The following ROBO3 variants were observed in gnomAD, a reference collection of about 807,000 sequenced individuals.
ROBO3 encodes roundabout homolog 3.
In ROBO3, 97 loss-of-function variants were observed where a neutral mutation model predicts 160.5. The ratio of observed to expected loss-of-function variants is 0.60; its 90% CI spans 0.51 to 0.72. The LOEUF (loss-of-function observed/expected upper bound fraction) is 0.72, where lower values mean the gene tolerates loss of function less well. Ranked by LOEUF, ROBO3 falls within the 30% of genes least tolerant of loss-of-function variation. The pLI, the probability that ROBO3 is intolerant of heterozygous loss-of-function variation, is 0.00. For missense variants in ROBO3, 1,858 were observed against 1,846.5 expected, an observed-to-expected ratio of 1.01 and a Z score of -0.11; for synonymous variants, 780 against 746.2, an observed-to-expected ratio of 1.05 and a Z score of -0.74.
chr11:124,877,642 C>T lies in ROBO3; in HGVS notation c.2970C>T (p.Asp990=). Residue 990 remains aspartate, a synonymous_variant, in exon 20 of 28, where the codon GAC becomes GAT. Coordinates refer to ENST00000397801, the MANE Select transcript of ROBO3 (RefSeq NM_022370.4). ...GCTGCCCTAGCAATCCTGACCCGGACGACAGATATTACAACGGTGAGGAGT... is the reference window on the plus strand; with the variant it reads ...GCTGCCCTAGCAATCCTGACCCGGATGACAGATATTACAACGGTGAGGAGT... The part of the protein sequence containing the change: ...GSCCPSNPDP[D]DRYYNEAGIS... 6.2e-7 allele frequency: 1 copy of T among 1,610,970 alleles called. No individual in the cohort carries two copies. Among genetic ancestry groups the T allele is most frequent in the Non-Finnish European group, 8.5e-7 (1 of 1,178,682 alleles).
intron 6 of ROBO3, 90 bp downstream of exon 6, chr11:124,870,818 A>G: frequency 6.4e-7 from 1 of 1,560,402 alleles, no homozygotes; most frequent in African/African-American, 1.4e-5. Context: ...GAAAGGGCAG[A>G]GAAGGGCATG....
chr11:124,880,739 GGGGA>G, intron 27 of ROBO3, 131 bp downstream of exon 27: 8 of 1,326,386 alleles, frequency 6.0e-6, no homozygotes, highest in Non-Finnish European at 8.0e-6. Flanking sequence ...AGAGGGTGAG[GGGGA>G]GGGAGGAATC....
At chr11:124,870,945 C>G in intron 6 of ROBO3, 69 bp from the exon 7 acceptor site, 1 of 1,574,606 alleles carries the variant, frequency 6.4e-7, no homozygotes, top group Non-Finnish European at 8.7e-7. Flanking sequence ...GCTTCTCTCT[C>G]CTGTTCCTGC....
rs1372680455 is a variant in ROBO3, at chr11:124,881,409, C to CT, written c.*164dup. The CT allele has an allele frequency of 1.5e-6, 1 of 673,000 alleles. No homozygotes were observed. The highest frequency in any genetic ancestry group is 2.6e-6 in the Non-Finnish European group (1 of 388,754). The allele number at this position is 673,000 out of a possible 1,614,324, so 41.7% of individuals were successfully genotyped here. A position where few individuals can be genotyped will look rare whatever the true frequency, so the allele number is the denominator to read the frequency against. On this transcript the variant is annotated 3_prime_UTR_variant, in exon 28 of 28. Coordinates refer to ENST00000397801, the MANE Select transcript of ROBO3 (RefSeq NM_022370.4). The stretch of plus-strand genomic sequence containing the variant: ...AGAGAGCTAGCTCCTCCCTTTCTTT[C>CT]TTTTTCCACCTGAGACTTGTTTATA...
Position 124,878,431 on chromosome 11 carries a change from G to A in ROBO3, c.3315G>A (p.Glu1105=), listed in dbSNP as rs1394717213. The A allele has an allele frequency of 1.9e-6, 3 of 1,612,804 alleles. No homozygotes were observed. The highest frequency in any genetic ancestry group is 2.7e-5 in the African/African-American group (2 of 74,896). The change falls in exon 22 of 28, where the codon GAG becomes GAA. Residue 1105 remains glutamate, a synonymous_variant. Transcript: ENST00000397801. The surrounding 1 kb of genome is among the most constrained non-coding windows in gnomAD (Gnocchi z 4.3). ...SCLEGPEEEL[E]GSSEPEEWCP... is the part of the protein sequence containing the mutation. The stretch of plus-strand genomic sequence containing the variant: ...TAGAAGGGCCGGAGGAGGAGCTGGA[G>A]GGCAGGTAGAGATGCTCCCTGCTTC...
Position 124,881,403 on chromosome 11 carries a change from T to G in ROBO3, c.*153T>G, listed in dbSNP as rs1197776145. The G allele has an allele frequency of 5.8e-6, 4 of 694,580 alleles. No homozygotes were observed. Among genetic ancestry groups the G allele is most frequent in the Non-Finnish European group, 9.8e-6 (4 of 406,224 alleles). 43.0% of individuals were successfully genotyped at this position (694,580 alleles called of 1,614,324 possible). ...GAAGGCAGAGAGCTAGCTCCTCCCT[T>G]TCTTTCTTTTTCCACCTGAGACTTG... On this transcript the variant is annotated 3_prime_UTR_variant, in exon 28 of 28. Coordinates refer to ENST00000397801, the MANE Select transcript of ROBO3 (RefSeq NM_022370.4).
rs1377909517 is a variant in ROBO3, at chr11:124,868,674, G to C, written c.161-128G>C. On this transcript the variant is annotated intron_variant, in intron 1 of 27. Coordinates refer to ENST00000397801, the MANE Select transcript of ROBO3 (RefSeq NM_022370.4). ...ATCCTGCAGAGGGAGAGGGTAGGCAGGTGGGGACTGAGCTCCGCAGAGAAG... is the reference window on the plus strand; with the variant it reads ...ATCCTGCAGAGGGAGAGGGTAGGCACGTGGGGACTGAGCTCCGCAGAGAAG... The C allele has an allele frequency of 8.5e-6, 8 of 938,264 alleles. No homozygotes were observed. In the African/African-American group the frequency reaches 1.3e-4, roughly 15 times the overall value. The allele number at this position is 938,264 out of a possible 1,614,324, so 58.1% of individuals were successfully genotyped here.
rs762624355 is a variant in ROBO3, at chr11:124,879,902, G to A, written c.3912G>A (p.Ala1304=). ...LERERSGERK[A]VQAVPLAAQR... ...GGGAGCGCAGTGGGGAGAGGAAAGC[G>A]GTCCAGGCCGTGCCCCTGGCAGCCC... The change falls in exon 26 of 28, where the codon GCG becomes GCA. Residue 1304 remains alanine (A), a synonymous_variant. Transcript: ENST00000397801. 10 of 1,607,494 alleles carry A rather than the reference G, an allele frequency of 6.2e-6. No homozygotes were observed. The Admixed American group carries it at 6.8e-5, about 11-fold the overall frequency.
chr11:124,865,501 A>G lies in ROBO3; in HGVS notation c.-77A>G. 2 of 1,479,192 alleles carry G rather than the reference A, an allele frequency of 1.4e-6. No individual in the cohort carries two copies. Among genetic ancestry groups the G allele is most frequent in the African/African-American group, 1.4e-5 (1 of 72,020 alleles). The allele number at this position is 1,479,192 out of a possible 1,614,324, so 91.6% of individuals were successfully genotyped here. A position where few individuals can be genotyped will look rare whatever the true frequency, so the allele number is the denominator to read the frequency against. The stretch of plus-strand genomic sequence containing the variant: ...GCGCGCAGAGGCTGTGGAGGGGCTT[A>G]CGGCTCCCAGCCCACGGGTCTCAGA... On this transcript the variant is annotated 5_prime_UTR_variant, in exon 1 of 28. Transcript: ENST00000397801. This position sits in a 1 kb window ranked among gnomAD's most constrained non-coding sequence, Gnocchi z 5.5.
Position 124,880,399 on chromosome 11 carries a change from C to T in ROBO3, c.3959-19C>T, listed in dbSNP as rs1161255324. 1.2e-6 allele frequency: 2 copies of T among 1,612,416 alleles called. No homozygotes were observed. Among genetic ancestry groups the T allele is most frequent in the Admixed American group, 1.7e-5 (1 of 59,862 alleles). On this transcript the variant is annotated intron_variant, in intron 26 of 27. Transcript: ENST00000397801. The stretch of plus-strand genomic sequence containing the variant: ...TGCTTCCTGCCTGCACCTGGCTACC[C>T]TTCCCTCTTGTGCTGCAGAAGAGGC...
At position 124,876,616 on chromosome 11, in the gene ROBO3, C is replaced by G; in HGVS notation, c.2779+156C>G. 1.7e-6 allele frequency: 1 copy of G among 586,002 alleles called. No individual in the cohort carries two copies. The highest frequency in any genetic ancestry group is 4.8e-4 in the Middle Eastern group (1 of 2,102). The allele number at this position is 586,002 out of a possible 1,614,324, so 36.3% of individuals were successfully genotyped here. A position where few individuals can be genotyped will look rare whatever the true frequency, so the allele number is the denominator to read the frequency against. Reference sequence around the variant, plus strand: ...TTGGGTAGGGGCGGGATACGTGGGGCGACTCGAGGAGCTGCCAGGACTAGG... The same window carrying G: ...TTGGGTAGGGGCGGGATACGTGGGGGGACTCGAGGAGCTGCCAGGACTAGG... On this transcript the variant is annotated intron_variant, in intron 17 of 27. Transcript: ENST00000397801. The surrounding 1 kb of genome is among the most constrained non-coding windows in gnomAD (Gnocchi z 5.3).
chr11:124,879,574 G>A lies in ROBO3; in HGVS notation c.3795G>A (p.Gly1265=). The change falls in exon 25 of 28, where the codon GGG becomes GGA. Residue 1265 remains glycine, a splice_region_variant and synonymous_variant. Coordinates refer to ENST00000397801, the MANE Select transcript of ROBO3 (RefSeq NM_022370.4). ...ALPYRRENSP[G]DLPPPPLPPP... is the part of the protein sequence containing the mutation. Reference sequence around the variant, plus strand: ...CCTACAGGAGGGAGAACAGTCCTGGGGGTGAGGGGGGATGCACCTGGGAGA... The same window carrying A: ...CCTACAGGAGGGAGAACAGTCCTGGAGGTGAGGGGGGATGCACCTGGGAGA... The A allele has an allele frequency of 1.2e-6, 2 of 1,611,006 alleles. No homozygotes were observed. The highest frequency in any genetic ancestry group is 1.7e-6 in the Non-Finnish European group (2 of 1,177,712).
rs2135324296 is a variant in ROBO3, at chr11:124,868,824, C to T, written c.183C>T (p.Asp61=). The T allele has an allele frequency of 1.2e-6, 2 of 1,609,768 alleles. No individual in the cohort carries two copies. The highest frequency in any genetic ancestry group is 1.7e-6 in the Non-Finnish European group (2 of 1,178,590). ...CAGGGTCAAGGGTAGGACCGGAGGA[C>T]GCTATGCCCCGCATCGTGGAGCAGC... ...SLNGSRVGPE[D]AMPRIVEQPP... is the part of the protein sequence containing the mutation. Residue 61 remains aspartate, a synonymous_variant, in exon 2 of 28, where the codon GAC becomes GAT. Coordinates refer to ENST00000397801, the MANE Select transcript of ROBO3 (RefSeq NM_022370.4).
rs375063767 is a variant in ROBO3, at chr11:124,872,415, C to T, written c.1193C>T (p.Thr398Met). The change falls in exon 8 of 28, where the codon ACG becomes ATG. Residue 398 changes from threonine (T) to methionine (M), a missense_variant. Physicochemically the swap from Thr to Met is moderately conservative, Grantham distance 81. Transcript: ENST00000397801. The surrounding 1 kb of genome is among the most constrained non-coding windows in gnomAD (Gnocchi z 4.3). ...LLFPSQSLQP[T>M]GRFSVSPRGQ... Reference sequence around the variant, plus strand: ...TTCCCCAGTCAGTCACTTCAGCCGACGGGGCGCTTCTCAGTGTCTCCAAGA... The same window carrying T: ...TTCCCCAGTCAGTCACTTCAGCCGATGGGGCGCTTCTCAGTGTCTCCAAGA... 47 of 1,613,822 alleles carry T rather than the reference C, an allele frequency of 2.9e-5. No individual in the cohort carries two copies. Among genetic ancestry groups the T allele is most frequent in the Non-Finnish European group, 3.6e-5 (42 of 1,179,888 alleles).
chr11:124,872,592 G>A lies in ROBO3; in HGVS notation c.1330+40G>A, dbSNP rs770561635. On this transcript the variant is annotated intron_variant, in intron 8 of 27. Transcript: ENST00000397801. The surrounding 1 kb of genome is among the most constrained non-coding windows in gnomAD (Gnocchi z 4.3). ...AGATAGGACTGGATCCATGGCTTGG[G>A]AGGAAATAATGGCCTAAAGTGATGT... 4.4e-6 allele frequency: 7 copies of A among 1,583,954 alleles called. No individual in the cohort carries two copies. In the Admixed American group the frequency reaches 6.8e-5, roughly 15 times the overall value.
At position 124,868,855 on chromosome 11, in the gene ROBO3, G is replaced by C; in HGVS notation, c.214G>C (p.Asp72His). 6.2e-7 allele frequency: 1 copy of C among 1,609,986 alleles called. No homozygotes were observed. The highest frequency in any genetic ancestry group is 8.5e-7 in the Non-Finnish European group (1 of 1,178,690). The change falls in exon 2 of 28, where the codon GAT becomes CAT. Residue 72 changes from aspartate to histidine, a missense_variant. Physicochemically the swap from Asp to His is moderately conservative, Grantham distance 81. Transcript: ENST00000397801. ...AMPRIVEQPPDLLVSRGEPAT... is the reference protein window; with the variant it reads ...AMPRIVEQPPHLLVSRGEPAT... The stretch of plus-strand genomic sequence containing the variant: ...GCCCCGCATCGTGGAGCAGCCGCCA[G>C]ATCTGCTGGTCTCCCGAGGCGAGCC...
rs1452355583 is a variant in ROBO3 at position 124,878,229 on chromosome 11, C to T, written c.3182-69C>T. The T allele has an allele frequency of 6.9e-6, 11 of 1,589,896 alleles. No individual in the cohort carries two copies. The Admixed American group carries it at 1.8e-4, about 25-fold the overall frequency. On this transcript the variant is annotated intron_variant, in intron 21 of 27. Transcript: ENST00000397801. This position sits in a 1 kb window ranked among gnomAD's most constrained non-coding sequence, Gnocchi z 4.3. ...CCTCTGGCACCTAGCCCGGCACTTCCTTCTGACCTGTCTCATCTCTGGCTC... is the reference window on the plus strand; with the variant it reads ...CCTCTGGCACCTAGCCCGGCACTTCTTTCTGACCTGTCTCATCTCTGGCTC...
chr11:124,875,099 T>C lies in ROBO3; in HGVS notation c.2074-12T>C. 6.3e-7 allele frequency: 1 copy of C among 1,588,680 alleles called. No individual in the cohort carries two copies. The highest frequency in any genetic ancestry group is 1.3e-5 in the African/African-American group (1 of 74,534). On this transcript the variant is annotated splice_polypyrimidine_tract_variant and intron_variant, in intron 13 of 27. Transcript: ENST00000397801. ...CCTCCCCTTCTGGTGTGCCTTGTCC[T>C]GTCTCCCACAGGTGGATGGCCCAGT...
chr11:124,876,664 G>T lies in ROBO3; in HGVS notation c.2779+204G>T, dbSNP rs1404295783. Reference sequence around the variant, plus strand: ...AGGGAGGGCTGCGGGCCAAGACGGGGCGGGATCTGGATGACGTTTGCCTCT... The same window carrying T: ...AGGGAGGGCTGCGGGCCAAGACGGGTCGGGATCTGGATGACGTTTGCCTCT... On this transcript the variant is annotated intron_variant, in intron 17 of 27. Transcript: ENST00000397801. The surrounding 1 kb of genome is among the most constrained non-coding windows in gnomAD (Gnocchi z 5.3). 1 of 491,962 alleles carries T rather than the reference G, an allele frequency of 2.0e-6. No homozygotes were observed. The highest frequency in any genetic ancestry group is 3.8e-5 in the Admixed American group (1 of 26,146). 30.5% of individuals were successfully genotyped at this position (491,962 alleles called of 1,614,324 possible).
Sources: gnomAD v4.1 joint callset for allele counts on GRCh38, gnomAD v4.1.1 for gene constraint, Gnocchi (gnomAD v3.1) non-coding constraint, MANE v1.5 for transcripts, NCBI Gene and HGNC (gene_info 2026-07-23, HGNC 2026-07-21) for gene names.